Variants in ORC3 observed in about 807,000 individuals in gnomAD.
ORC3 encodes origin recognition complex subunit 3, also known as homolog of latheo, Drosophila.
In ORC3, 78 loss-of-function variants were observed where a neutral mutation model predicts 100.7. The observed-to-expected ratio is 0.77, with a 90% CI of 0.65 to 0.94. The LOEUF is 0.94. ORC3 is among the 40% of genes least tolerant of loss of function. The probability of loss-of-function intolerance (pLI) is 0.00; values close to 1 mark genes in which losing one functional copy is unlikely to be tolerated. For synonymous variants in ORC3, 295 were observed against 289.3 expected, an observed-to-expected ratio of 1.02 and a Z score of -0.20; for missense variants, 789 against 823.9, an observed-to-expected ratio of 0.96 and a Z score of 0.52.
chr6:87,672,017 TCAA>T (rs1770843826), downstream of ORC3, among the ~76,000 whole-genome samples: 2 of 152,204 alleles, frequency 1.3e-5, no homozygotes, highest in South Asian at 4.1e-4. Flanking sequence ...AAAGAAAAAC[TCAA>T]CAAGACAACA....
In ORC3 at chr6:87,667,261, T is replaced by C; in HGVS notation, c.*138T>C. 1 of 561,226 alleles carries C rather than the reference T, an allele frequency of 1.8e-6. No homozygotes were observed. 34.8% of individuals were successfully genotyped at this position (561,226 alleles called of 1,614,324 possible). On this transcript the variant is annotated 3_prime_UTR_variant, in exon 20 of 20. Transcript: ENST00000392844. Reference sequence around the variant, plus strand: ...CCCCATTGATGTTTAACCAGAAAAGTACATTGCTAACCCCAAACAGGCATG... The same window carrying C: ...CCCCATTGATGTTTAACCAGAAAAGCACATTGCTAACCCCAAACAGGCATG...
chr6:87,677,677 A>G, the ORC3 span: 1 of 1,026,282 alleles, frequency 9.7e-7, no homozygotes, highest in Non-Finnish European at 1.4e-6. Context: ...TAAGAAGGTT[A>G]ATTTTCTTTC....
At chr6:87,624,515 A>G in intron 11 of ORC3, among the ~76,000 whole-genome samples, 1 of 152,092 alleles carries the variant, frequency 6.6e-6, no homozygotes, top group East Asian at 1.9e-4. Flanking sequence ...ATGTGTCTTG[A>G]TTTTTTAGTT....
At position 87,621,465 on chromosome 6, in the gene ORC3, C is replaced by A. The variant is rs775735806; in HGVS notation, c.1099C>A (p.Arg367=). 1 of 1,592,616 alleles carries A rather than the reference C, an allele frequency of 6.3e-7. No individual in the cohort carries two copies. ...ATCAAATAATCAATGTGAAAACATCCGACGTCTACCATCTTTTAGGAGGTA... is the reference window on the plus strand; with the variant it reads ...ATCAAATAATCAATGTGAAAACATCAGACGTCTACCATCTTTTAGGAGGTA... ...FLSNNQCENI[R]RLPSFRRYVE... Residue 367 remains arginine (R), a synonymous_variant, in exon 10 of 20, where the codon CGA becomes AGA. Coordinates refer to ENST00000392844, the MANE Select transcript of ORC3 (RefSeq NM_012381.4).
chr6:87,668,325 G>C (rs1770760304), downstream of ORC3, among the ~76,000 whole-genome samples: 1 of 152,170 alleles, frequency 6.6e-6, no homozygotes, highest in Non-Finnish European at 1.5e-5. Context: ...GCTTTGAAGA[G>C]TTTTATGAGT....
intron 16 of ORC3, among the ~76,000 whole-genome samples, chr6:87,660,794 G>A (rs1466863226): frequency 6.6e-6 from 1 of 152,204 alleles, no homozygotes; most frequent in Non-Finnish European, 1.5e-5. Flanking sequence ...GCATAATGCA[G>A]TGCTTTAGTG....
intron 2 of ORC3, 83 bp downstream of exon 2, chr6:87,594,490 C>A: frequency 7.1e-7 from 1 of 1,409,960 alleles, no homozygotes. Flanking sequence ...TAGTAATTCT[C>A]TTGTCTAACC....
At chr6:87,627,297 C>CTT (rs71554739) in intron 11 of ORC3, among the ~76,000 whole-genome samples, 31 of 113,396 alleles carry the variant, frequency 2.7e-4, no homozygotes, top group African/African-American at 5.2e-4. Context: ...CCGCGCCCAG[C>CTT]TTTTTTTTTT....
At chr6:87,654,159 T>C (rs999483806) in intron 14 of ORC3, among the ~76,000 whole-genome samples, 7 of 152,228 alleles carry the variant, frequency 4.6e-5, no homozygotes, top group African/African-American at 1.7e-4. Flanking sequence ...GTTTTAATCC[T>C]TTTTTATGTT....
At chr6:87,654,228 A>G (rs1014113171) in intron 14 of ORC3, among the ~76,000 whole-genome samples, 4 of 152,206 alleles carry the variant, frequency 2.6e-5, no homozygotes, top group African/African-American at 9.6e-5. Context: ...TTTTGCAAAA[A>G]TCTTCCCATA....
chr6:87,664,215 T>C (rs1770424315), intron 17 of ORC3, among the ~76,000 whole-genome samples: 1 of 152,022 alleles, frequency 6.6e-6, no homozygotes, highest in Middle Eastern at 3.2e-3. Flanking sequence ...AGACTTTGTG[T>C]TTCTCAGTAA....
At chr6:87,599,338 T>G (rs1467992855) in intron 2 of ORC3, among the ~76,000 whole-genome samples, 1 of 145,886 alleles carries the variant, frequency 6.9e-6, no homozygotes, top group Non-Finnish European at 1.5e-5. Context: ...GTTGTTCTGC[T>G]TTGTCTCTTT....
At chr6:87,622,865 T>C (rs1034818890) in intron 11 of ORC3, among the ~76,000 whole-genome samples, 1 of 152,196 alleles carries the variant, frequency 6.6e-6, no homozygotes, top group Non-Finnish European at 1.5e-5. Context: ...TCTATTGAAT[T>C]AATGTACCTT....
intron 19 of ORC3, among the ~76,000 whole-genome samples, chr6:87,666,415 C>T (rs984003345): frequency 1.3e-5 from 2 of 149,978 alleles, no homozygotes; most frequent in African/African-American, 4.9e-5. Flanking sequence ...TAGGTGTGAG[C>T]CACCTCACCC....
chr6:87,603,474 G>C lies in ORC3; in HGVS notation c.268G>C (p.Asp90His). The change falls in exon 4 of 20, where the codon GAC becomes CAC. Residue 90 changes from aspartate (D) to histidine (H), a missense_variant. By Grantham distance (81) the Asp-to-His change is moderately conservative (BLOSUM62 -1). Transcript: ENST00000392844. ...SHSGFQKNSR[D>H]LGGQIKLREI... is the part of the protein sequence containing the mutation. The stretch of plus-strand genomic sequence containing the variant: ...TTCTGGATTCCAGAAGAATTCAAGA[G>C]ACTTGGGCGGTCAAATAAAACTCAG... 1 of 1,534,334 alleles carries C rather than the reference G, an allele frequency of 6.5e-7. No homozygotes were observed. Among genetic ancestry groups the C allele is most frequent in the Admixed American group, 1.7e-5 (1 of 59,364 alleles).
At chr6:87,630,396 G>A (rs933031783) in intron 11 of ORC3, among the ~76,000 whole-genome samples, 3 of 152,146 alleles carry the variant, frequency 2.0e-5, no homozygotes, top group Non-Finnish European at 4.4e-5. Context: ...GCAAGATCCT[G>A]TCTCAAAAAT....
chr6:87,608,785 C>T (rs1778529235), intron 6 of ORC3, among the ~76,000 whole-genome samples: 1 of 152,164 alleles, frequency 6.6e-6, no homozygotes, highest in Non-Finnish European at 1.5e-5. Flanking sequence ...ATATAACTTT[C>T]TACCAACAGA....
At chr6:87,647,105 C>T (rs902617105) in intron 13 of ORC3, among the ~76,000 whole-genome samples, 2 of 152,188 alleles carry the variant, frequency 1.3e-5, no homozygotes, top group Admixed American at 1.3e-4. Context: ...TTCTGCTCCC[C>T]TACAGGTTCT....
intron 17 of ORC3, among the ~76,000 whole-genome samples, chr6:87,663,606 G>A (rs1010159415): frequency 1.3e-5 from 2 of 152,216 alleles, no homozygotes; most frequent in African/African-American, 4.8e-5. Context: ...TATTCTGAGA[G>A]CATCTGCAGA....
Sources: allele counts gnomAD v4.1 joint callset (sites outside exome capture counted in the v4.1 genomes callset), GRCh38; gene constraint gnomAD v4.1.1; transcripts MANE v1.5; gene names NCBI Gene and HGNC (gene_info 2026-07-23, HGNC 2026-07-21).